The following ATXN7L1 variants were observed in gnomAD, a reference collection of about 807,000 sequenced individuals.
ATXN7L1 encodes the protein ataxin-7-like protein 1.
In ATXN7L1, 15 loss-of-function variants were observed where a neutral mutation model predicts 70.8. The ratio of observed to expected loss-of-function variants is 0.21; its 90% CI spans 0.14 to 0.33. The LOEUF (loss-of-function observed/expected upper bound fraction) is 0.33, where lower values mean the gene tolerates loss of function less well. Among genes scored for constraint, ATXN7L1 ranks in the 10% least tolerant of loss-of-function variants. The pLI, the probability that ATXN7L1 is intolerant of heterozygous loss-of-function variation, is 1.00. For missense variants in ATXN7L1, 975 were observed against 1,097.1 expected (o/e 0.89, Z 1.57); for synonymous variants, 440 against 445.1 (o/e 0.99, Z 0.14).
intron 3 of ATXN7L1, among the ~76,000 whole-genome samples, chr7:105,669,919 CA>C (rs756313448): frequency 0.27 from 19,298 of 71,278 alleles, 1,123 homozygotes; most frequent in East Asian, 0.41. Flanking sequence ...AACTCCATCT[CA>C]AAAAAAAAAA....
intron 2 of ATXN7L1, among the ~76,000 whole-genome samples, chr7:105,804,010 A>G (rs73717279): frequency 0.028 from 4,300 of 151,672 alleles, 200 homozygotes; most frequent in African/African-American, 0.099. Context: ...CCCCTCCCTG[A>G]CTCTCAGTGG....
intron 2 of ATXN7L1, among the ~76,000 whole-genome samples, chr7:105,801,061 G>C (rs1563104090): frequency 6.6e-6 from 1 of 152,114 alleles, no homozygotes. Flanking sequence ...CTGCAAAATG[G>C]GGTGGTAATA....
At chr7:105,819,434 T>C (rs1809727336) in intron 2 of ATXN7L1, 2 of 615,774 alleles carry the variant, frequency 3.2e-6, no homozygotes, top group Non-Finnish European at 5.8e-6. Context: ...CATTAACTTG[T>C]ATTTGGGATT....
chr7:105,790,732 G>A (rs983266637), intron 2 of ATXN7L1, among the ~76,000 whole-genome samples: 5 of 103,310 alleles, frequency 4.8e-5, no homozygotes, highest in African/African-American at 2.0e-4. Context: ...ACAAAAAAAG[G>A]TCAGTTATAG....
intron 4 of ATXN7L1, among the ~76,000 whole-genome samples, chr7:105,660,165 C>T (rs1462317258): frequency 6.6e-6 from 1 of 152,118 alleles, no homozygotes; most frequent in Non-Finnish European, 1.5e-5. Context: ...CACCACGCCT[C>T]GCCTGGGTGA....
At chr7:105,608,239 C>T (rs1792856431) in intron 11 of ATXN7L1, among the ~76,000 whole-genome samples, 1 of 152,170 alleles carries the variant, frequency 6.6e-6, no homozygotes, top group Non-Finnish European at 1.5e-5. Context: ...TCCTACCTAA[C>T]CTATAGATGA....
At chr7:105,694,174 A>G (rs1297932263) in intron 3 of ATXN7L1, among the ~76,000 whole-genome samples, 2 of 151,714 alleles carry the variant, frequency 1.3e-5, no homozygotes, top group African/African-American at 4.9e-5. Flanking sequence ...CAGCCTCCCC[A>G]GTATCTGGGT....
chr7:105,836,326 C>A (rs949882665), intron 2 of ATXN7L1, among the ~76,000 whole-genome samples: 1 of 152,152 alleles, frequency 6.6e-6, no homozygotes, highest in African/African-American at 2.4e-5. Flanking sequence ...ATTTAAGCCT[C>A]TGAATCACAC....
At chr7:105,740,784 T>TTTTTTTTTTTTTTTTTTTTTGTTTG (rs556048408) in intron 3 of ATXN7L1, among the ~76,000 whole-genome samples, 1 of 77,926 alleles carries the variant, frequency 1.3e-5, no homozygotes, top group South Asian at 5.5e-4. Flanking sequence ...TTTTTTTTTT[T>TTTTTTTTTTTTTTTTTTTTTGTTTG]AATGGAGTCT....
intron 7 of ATXN7L1, among the ~76,000 whole-genome samples, chr7:105,626,561 C>G (rs1795723017): frequency 6.6e-6 from 1 of 152,260 alleles, no homozygotes; most frequent in African/African-American, 2.4e-5. Flanking sequence ...GTTGGGATGA[C>G]AATTTATAGT....
At chr7:105,785,991 A>T (rs949982709) in intron 3 of ATXN7L1, among the ~76,000 whole-genome samples, 1 of 152,206 alleles carries the variant, frequency 6.6e-6, no homozygotes, top group Non-Finnish European at 1.5e-5. Context: ...TATTGCAGGA[A>T]TTTTTAGGGA....
chr7:105,865,684 A>G (rs898033074), intron 2 of ATXN7L1, among the ~76,000 whole-genome samples: 1 of 152,186 alleles, frequency 6.6e-6, no homozygotes, highest in Non-Finnish European at 1.5e-5. Context: ...TACAGGCGTG[A>G]GCCACTGCAC....
intron 2 of ATXN7L1, among the ~76,000 whole-genome samples, chr7:105,829,951 T>G (rs1475655268): frequency 6.6e-6 from 1 of 152,232 alleles, no homozygotes; most frequent in African/African-American, 2.4e-5. Flanking sequence ...GGCTCAAAGC[T>G]TACCCTTTGG....
intron 2 of ATXN7L1, among the ~76,000 whole-genome samples, chr7:105,820,714 A>T (rs1810011463): frequency 6.6e-6 from 1 of 152,130 alleles, no homozygotes. Flanking sequence ...CTCATGTTGA[A>T]ATGTGATTCC....
chr7:105,763,369 A>C (rs1800790086), intron 3 of ATXN7L1, among the ~76,000 whole-genome samples: 2 of 152,066 alleles, frequency 1.3e-5, no homozygotes, highest in Non-Finnish European at 2.9e-5. Flanking sequence ...AGGAGGGAGG[A>C]GCTCCCCAGG....
intron 5 of ATXN7L1, among the ~76,000 whole-genome samples, chr7:105,640,061 T>C (rs1463714730): frequency 6.6e-6 from 1 of 151,664 alleles, no homozygotes; most frequent in African/African-American, 2.4e-5. Flanking sequence ...GTTTTAGCCA[T>C]GTAAATGGGA....
chr7:105,636,351 C>T (rs929692250), intron 7 of ATXN7L1, among the ~76,000 whole-genome samples: 2 of 150,130 alleles, frequency 1.3e-5, no homozygotes, highest in South Asian at 2.1e-4. Flanking sequence ...GCCGAGATCG[C>T]GCCATTGCAC....
chr7:105,717,478 T>C (rs901061238), intron 3 of ATXN7L1, among the ~76,000 whole-genome samples: 1 of 152,228 alleles, frequency 6.6e-6, no homozygotes, highest in African/African-American at 2.4e-5. Context: ...CCTATATTGT[T>C]TGTTATTCAT....
intron 3 of ATXN7L1, among the ~76,000 whole-genome samples, chr7:105,675,045 A>G (rs1373558493): frequency 6.6e-6 from 1 of 152,196 alleles, no homozygotes; most frequent in Non-Finnish European, 1.5e-5. Flanking sequence ...AAAAGCATCC[A>G]TAGCCTTTCA....
Sources: allele counts gnomAD v4.1 joint callset (sites outside exome capture counted in the v4.1 genomes callset), GRCh38; gene constraint gnomAD v4.1.1; transcripts MANE v1.5; gene names NCBI Gene and HGNC (gene_info 2026-07-23, HGNC 2026-07-21).